The following UGT2B4 variants were observed in gnomAD, a reference collection of about 807,000 sequenced individuals.
UGT2B4 encodes UDP-glucuronosyltransferase 2B4.
A neutral mutation model predicts 49.8 loss-of-function variants in UGT2B4; 49 were observed. That is an observed-to-expected ratio of 0.98 (90% CI 0.78 to 1.25). The LOEUF (loss-of-function observed/expected upper bound fraction) is 1.25. UGT2B4 is among the 50% of genes most tolerant of loss of function. The pLI, the probability that UGT2B4 is intolerant of heterozygous loss-of-function variation, is 0.00. For synonymous variants in UGT2B4, 246 were observed against 217.7 expected (o/e 1.13, Z -1.14); for missense variants, 729 against 627.7 (o/e 1.16, Z -1.73).
At chr4:69,501,974 A>G (rs571464227) in intron 1 of UGT2B4, among the ~76,000 whole-genome samples, 3 of 151,322 alleles carry the variant, frequency 2.0e-5, no homozygotes, top group Admixed American at 2.0e-4. Flanking sequence ...CTGGGGCTTC[A>G]CATTGACTCA....
chr4:69,482,416 T>G (rs1211404580), intron 5 of UGT2B4, among the ~76,000 whole-genome samples: 2 of 152,176 alleles, frequency 1.3e-5, no homozygotes, highest in African/African-American at 4.8e-5. Context: ...TTAAACATTA[T>G]TTCGAAGTGA....
intron 1 of UGT2B4, among the ~76,000 whole-genome samples, chr4:69,504,943 C>T (rs1327350892): frequency 6.6e-6 from 1 of 152,058 alleles, no homozygotes; most frequent in Admixed American, 6.5e-5. Context: ...GATTGGGGGC[C>T]ATTATTCAAT....
intron 1 of UGT2B4, among the ~76,000 whole-genome samples, chr4:69,522,302 C>T (rs1023753779): frequency 3.7e-4 from 56 of 152,138 alleles, no homozygotes; most frequent in East Asian, 7.7e-4. Context: ...AAGAATAATA[C>T]GAATTATCAA....
upstream of UGT2B4, chr4:69,495,997 T>C (rs1728151614): frequency 7.3e-7 from 1 of 1,365,260 alleles, no homozygotes; most frequent in Admixed American, 2.5e-5. Context: ...ATTAACAGTC[T>C]GAGCATGTGG....
chr4:69,519,201 C>T (rs976998677), intron 1 of UGT2B4, among the ~76,000 whole-genome samples: 45 of 152,148 alleles, frequency 3.0e-4, no homozygotes, highest in African/African-American at 1.1e-3. Context: ...TTTTAAAGGA[C>T]GGTCATAAGC....
At chr4:69,493,080 T>C (rs1728039741) in intron 2 of UGT2B4, among the ~76,000 whole-genome samples, 1 of 152,120 alleles carries the variant, frequency 6.6e-6, no homozygotes, top group African/African-American at 2.4e-5. Flanking sequence ...ACTCAGTATC[T>C]TCCTTGCAAA....
chr4:69,482,195 C>T (rs761086318), intron 5 of UGT2B4, among the ~76,000 whole-genome samples: 3 of 152,198 alleles, frequency 2.0e-5, no homozygotes, highest in Non-Finnish European at 4.4e-5. Context: ...TGAGGCAACC[C>T]TCTAAATGTT....
At chr4:69,498,158 G>A (rs369121989), upstream of UGT2B4, among the ~76,000 whole-genome samples, 1 of 152,278 alleles carries the variant, frequency 6.6e-6, no homozygotes, top group East Asian at 1.9e-4. Flanking sequence ...ACTTTTATGT[G>A]CCAGAGAAAC....
intron 3 of UGT2B4, among the ~76,000 whole-genome samples, chr4:69,487,287 A>T (rs1348247543): frequency 6.6e-6 from 1 of 152,180 alleles, no homozygotes; most frequent in Non-Finnish European, 1.5e-5. Flanking sequence ...CTACAGACAA[A>T]TATACATTTT....
In UGT2B4 at chr4:69,493,698, G is replaced by A; in HGVS notation, c.865C>T (p.Pro289Ser). Residue 289 changes from proline (P) to serine (S), a missense_variant, in exon 2 of 6, where the codon CCG becomes TCG. By Grantham distance (74) the Pro-to-Ser change is moderately conservative. Transcript: ENST00000305107. ...GLHCKPAKPL[P>S]KEMEEFVQSS... ...AACAAACAGTAATAGTTTACCTTCG[G>A]TAGGGGTTTGGCAGGTTTGCAGTGG... 6.2e-7 allele frequency: 1 copy of A among 1,606,040 alleles called. No homozygotes were observed.
intron 1 of UGT2B4, among the ~76,000 whole-genome samples, chr4:69,513,691 A>AT (rs1728663020): frequency 6.6e-6 from 1 of 152,110 alleles, no homozygotes; most frequent in South Asian, 2.1e-4. Context: ...CAAAACACTG[A>AT]TTTTTCCTAT....
At chr4:69,514,549 G>T (rs1728683450) in intron 1 of UGT2B4, among the ~76,000 whole-genome samples, 1 of 152,166 alleles carries the variant, frequency 6.6e-6, no homozygotes, top group African/African-American at 2.4e-5. Flanking sequence ...GTTTTCAAAG[G>T]AAAGCCTTCC....
chr4:69,512,803 T>C (rs1449625862), intron 1 of UGT2B4, among the ~76,000 whole-genome samples: 1 of 152,194 alleles, frequency 6.6e-6, no homozygotes, highest in Non-Finnish European at 1.5e-5. Context: ...TGATGTCTCA[T>C]TGTGGTTTTA....
chr4:69,489,565 C>T lies in UGT2B4; in HGVS notation c.876G>A (p.Met292Ile). Residue 292 changes from methionine (M) to isoleucine (I), a missense_variant, in exon 3 of 6, where the codon ATG (methionine) becomes ATA (isoleucine). Physicochemically the swap from Met to Ile is conservative, Grantham distance 10 (BLOSUM62 1). Coordinates refer to ENST00000305107, the MANE Select transcript of UGT2B4 (RefSeq NM_021139.3). ...CTCCAGAGCTCTGGACAAACTCTTC[C>T]ATTTCCTGTGAAAAAAAAGAATTTG... ...CKPAKPLPKE[M>I]EEFVQSSGEN... 1 of 1,603,728 alleles carries T rather than the reference C, an allele frequency of 6.2e-7. No individual in the cohort carries two copies. The highest frequency in any genetic ancestry group is 1.1e-5 in the South Asian group (1 of 89,920).
At position 69,489,489 on chromosome 4, in the gene UGT2B4, C is replaced by G; in HGVS notation, c.952G>C (p.Glu318Gln). The G allele has an allele frequency of 6.2e-7, 1 of 1,611,996 alleles. No individual in the cohort carries two copies. Among genetic ancestry groups the G allele is most frequent in the South Asian group, 1.1e-5 (1 of 91,040 alleles). The stretch of plus-strand genomic sequence containing the variant: ...GATGCAATTACATTGGCCCTTTCTT[C>G]TGACGTGTTACTGACCATCGACCCC... ...SLGSMVSNTS[E>Q]ERANVIASAL... The change falls in exon 3 of 6, where the codon GAA becomes CAA. Residue 318 changes from glutamate to glutamine, a missense_variant. Physicochemically the swap from Glu to Gln is conservative, Grantham distance 29. Transcript: ENST00000305107.
At chr4:69,500,908 T>C (rs979154155) in intron 1 of UGT2B4, among the ~76,000 whole-genome samples, 1 of 151,972 alleles carries the variant, frequency 6.6e-6, no homozygotes. Flanking sequence ...CTCAGGCATG[T>C]GTAGAGACCT....
In UGT2B4 at chr4:69,495,314, T is replaced by C; in HGVS notation, c.548A>G (p.His183Arg). The C allele has an allele frequency of 6.2e-7, 1 of 1,613,044 alleles. No individual in the cohort carries two copies. The highest frequency in any genetic ancestry group is 1.7e-5 in the Admixed American group (1 of 59,782). ...AGGAGGGAACAGAAGTCCTCCACTA[T>C]GCTTTTCAATTGCGTAGCCAGGAGA... Reference protein sequence around the residue: ...RFSPGYAIEKHSGGLLFPPSY... With the variant: ...RFSPGYAIEKRSGGLLFPPSY... The change falls in exon 1 of 6, where the codon CAT (histidine) becomes CGT (arginine). Residue 183 changes from histidine to arginine, a missense_variant. By Grantham distance (29) the His-to-Arg change is conservative. Transcript: ENST00000305107.
Position 69,485,423 on chromosome 4 carries a change from GTGACCTAGGATTGGA to G in UGT2B4, c.1091-11_1094del. 1.2e-6 allele frequency: 2 copies of G among 1,613,712 alleles called. No homozygotes were observed. The highest frequency in any genetic ancestry group is 2.2e-5 in the South Asian group (2 of 91,060). ...GAGTTATAAAAGCTCTGGTTTTTGG[GTGACCTAGGATTGGA>G]TGAATTTTAGCAAAATTATTCATAG... On this transcript the variant is annotated splice_acceptor_variant and splice_polypyrimidine_tract_variant and coding_sequence_variant and intron_variant, in exon 5 of 6. Transcript: ENST00000305107. LOFTEE classifies it high-confidence loss of function.
intron 1 of UGT2B4, among the ~76,000 whole-genome samples, chr4:69,511,744 G>C (rs548532952): frequency 2.0e-5 from 3 of 152,168 alleles, no homozygotes; most frequent in African/African-American, 7.2e-5. Context: ...TAAAGAAAAA[G>C]CATTAATTAT....
Sources: gnomAD v4.1 joint callset for allele counts (sites outside exome capture counted in the v4.1 genomes callset) on GRCh38, gnomAD v4.1.1 for gene constraint, MANE v1.5 for transcripts, NCBI Gene and HGNC (gene_info 2026-07-23, HGNC 2026-07-21) for gene names.